Variants in ADSL observed in about 807,000 individuals in gnomAD.
ADSL encodes adenylosuccinate lyase.
A neutral mutation model predicts 62.1 loss-of-function variants in ADSL; 44 were observed. The observed-to-expected ratio is 0.71, with a 90% CI of 0.56 to 0.91. ADSL has a LOEUF of 0.91. Ranked by LOEUF, ADSL falls within the 40% of genes least tolerant of loss-of-function variation. ADSL has a pLI of 0.00. For missense variants in ADSL, 531 were observed against 627.4 expected (o/e 0.85, Z 1.64); for synonymous variants, 198 against 220.5 (o/e 0.90, Z 0.90).
At position 40,346,588 on chromosome 22, in the gene ADSL, C is replaced by G; in HGVS notation, c.30C>G (p.Pro10=). 4 of 1,606,082 alleles carry G rather than the reference C, an allele frequency of 2.5e-6. No individual in the cohort carries two copies. Among genetic ancestry groups the G allele is most frequent in the Non-Finnish European group, 3.4e-6 (4 of 1,177,098 alleles). Residue 10 remains proline, a synonymous_variant, in exon 1 of 13, where the codon CCC becomes CCG. Transcript: ENST00000623063. MAAGGDHGS[P]DSYRSPLASR... is the part of the protein sequence containing the mutation. Reference sequence around the variant, plus strand: ...CGGCTGGAGGCGATCATGGTTCGCCCGACAGCTACCGCTCACCTCTTGCCT... The same window carrying G: ...CGGCTGGAGGCGATCATGGTTCGCCGGACAGCTACCGCTCACCTCTTGCCT...
intron 4 of ADSL, among the ~76,000 whole-genome samples, chr22:40,357,221 A>G (rs2044597600): frequency 6.7e-6 from 1 of 149,596 alleles, no homozygotes; most frequent in South Asian, 2.1e-4. Flanking sequence ...ATGTTCAGAA[A>G]CAGACCTTCA....
chr22:40,360,400 A>G lies in ADSL; in HGVS notation c.702-2A>G, dbSNP rs1268264761. ...CTAAGTCTCTCTTGTACTTATTCCT[A>G]GAGCTTTCATCATCACAGGGCAGAC... On this transcript the variant is annotated splice_acceptor_variant, in intron 6 of 12. Coordinates refer to ENST00000623063, the MANE Select transcript of ADSL (RefSeq NM_000026.4). LOFTEE classifies it high-confidence loss of function. 9.9e-6 allele frequency: 16 copies of G among 1,611,308 alleles called. No individual in the cohort carries two copies. The highest frequency in any genetic ancestry group is 1.4e-5 in the Non-Finnish European group (16 of 1,178,184).
At position 40,361,578 on chromosome 22, in the gene ADSL, C is replaced by T. The variant is rs202064195; in HGVS notation, c.953C>T (p.Pro318Leu). The change falls in exon 9 of 13, where the codon CCG (proline) becomes CTG (leucine). Residue 318 changes from proline (P) to leucine (L), a missense_variant. Pro to Leu is a moderately conservative substitution (Grantham distance 98). This residue lies in a region of ADSL where 471 missense variants were observed against 592.9 expected (regional missense o/e 0.79). Coordinates refer to ENST00000623063, the MANE Select transcript of ADSL (RefSeq NM_000026.4). ...ARHLMTLVMDPLQTASVQWFE... is the reference protein window; with the variant it reads ...ARHLMTLVMDLLQTASVQWFE... ...CACCTGATGACCCTTGTCATGGACC[C>T]GCTACAGACAGCATCTGTCCAGTGG... is the stretch of plus-strand genomic sequence containing the variant. 8.5e-5 allele frequency: 137 copies of T among 1,614,052 alleles called. No homozygotes were observed. The highest frequency in any genetic ancestry group is 1.1e-4 in the Non-Finnish European group (130 of 1,180,050).
chr22:40,348,210 G>A (rs542069115), intron 1 of ADSL, among the ~76,000 whole-genome samples: 7 of 152,276 alleles, frequency 4.6e-5, no homozygotes, highest in Non-Finnish European at 8.8e-5. Flanking sequence ...AAGATAAATT[G>A]CTTGAGGGGA....
intron 1 of ADSL, among the ~76,000 whole-genome samples, chr22:40,347,517 C>T (rs74361022): frequency 6.6e-6 from 1 of 152,228 alleles, no homozygotes; most frequent in Admixed American, 6.5e-5. Flanking sequence ...AGTGCCACAA[C>T]GAGCAAGTTG....
In ADSL at chr22:40,359,053, T is replaced by G; in HGVS notation, c.654+18T>G. 6.2e-7 allele frequency: 1 copy of G among 1,613,784 alleles called. No homozygotes were observed. The highest frequency in any genetic ancestry group is 8.5e-7 in the Non-Finnish European group (1 of 1,179,848). On this transcript the variant is annotated intron_variant, in intron 5 of 12. Coordinates refer to ENST00000623063, the MANE Select transcript of ADSL (RefSeq NM_000026.4). ...ACCATAAGGTATTCTGAAAGTGACC[T>G]GCAGGACACAGAAACTCAATGGTGG...
chr22:40,386,349 C>T (rs2048438451), intron 2 of ADSL, among the ~76,000 whole-genome samples: 1 of 152,192 alleles, frequency 6.6e-6, no homozygotes, highest in South Asian at 2.1e-4. Flanking sequence ...CTGCTTAACC[C>T]TAAGGTTCAC....
intron 2 of ADSL, among the ~76,000 whole-genome samples, chr22:40,380,884 G>A (rs546169889): frequency 1.3e-5 from 2 of 152,146 alleles, no homozygotes; most frequent in African/African-American, 4.8e-5. Context: ...GCAGTGAGCT[G>A]TGATCACACC....
intron 4 of ADSL, 23 bp downstream of exon 4, chr22:40,354,350 G>C: frequency 6.3e-7 from 1 of 1,584,492 alleles, no homozygotes; most frequent in Non-Finnish European, 8.7e-7. Context: ...ATTACTTCTT[G>C]TTTATGTGCA....
At chr22:40,374,555 A>G (rs1402794161) in intron 2 of ADSL, among the ~76,000 whole-genome samples, 1 of 152,198 alleles carries the variant, frequency 6.6e-6, no homozygotes, top group Non-Finnish European at 1.5e-5. Flanking sequence ...CCTCACCCCC[A>G]TCTCCTAGAA....
intron 2 of ADSL, among the ~76,000 whole-genome samples, chr22:40,384,690 G>A (rs1238929135): frequency 6.6e-6 from 1 of 152,174 alleles, no homozygotes; most frequent in Non-Finnish European, 1.5e-5. Context: ...TAAGGCGGGA[G>A]AATGGGCATG....
Position 40,367,358 on chromosome 22 carries a change from A to T in ADSL, c.*836A>T, listed in dbSNP as rs2045037089. The T allele has an allele frequency of 6.4e-6, 1 of 156,386 alleles. No individual in the cohort carries two copies. Among genetic ancestry groups the T allele is most frequent in the African/African-American group, 2.4e-5 (1 of 41,414 alleles). 9.7% of individuals were successfully genotyped at this position (156,386 alleles called of 1,614,324 possible). A position where few individuals can be genotyped will look rare whatever the true frequency, so the allele number is the denominator to read the frequency against. The stretch of plus-strand genomic sequence containing the variant: ...TGCCATGTTGGGCGGGCTGGTCTTG[A>T]ACTCCTGACCTCAAGTGATCCGCCC... On this transcript the variant is annotated 3_prime_UTR_variant, in exon 13 of 13. Coordinates refer to ENST00000623063, the MANE Select transcript of ADSL (RefSeq NM_000026.4).
chr22:40,377,924 A>G (rs2146770733), intron 2 of ADSL, among the ~76,000 whole-genome samples: 1 of 152,266 alleles, frequency 6.6e-6, no homozygotes, highest in East Asian at 1.9e-4. Context: ...AGATGTGGGT[A>G]TCTTCAAATG....
intron 2 of ADSL, among the ~76,000 whole-genome samples, chr22:40,383,409 G>T (rs2047905001): frequency 6.6e-6 from 1 of 150,896 alleles, no homozygotes; most frequent in African/African-American, 2.4e-5. Context: ...GGAGCTCGCA[G>T]TGAGCCGAGA....
At chr22:40,374,149 G>A (rs374418939), downstream of ADSL, among the ~76,000 whole-genome samples, 162 of 151,228 alleles carry the variant, frequency 1.1e-3, 6 homozygotes, top group South Asian at 0.033. Flanking sequence ...TAGAGACGGG[G>A]CTTCACCGTG....
intron 1 of ADSL, chr22:40,348,249 C>G: frequency 2.5e-6 from 1 of 395,886 alleles, no homozygotes. Context: ...CTGCCCTCTG[C>G]TGCTTTGCTT....
intron 5 of ADSL, 99 bp from the exon 6 acceptor site, chr22:40,359,161 T>C: frequency 6.3e-7 from 1 of 1,583,318 alleles, no homozygotes; most frequent in South Asian, 1.1e-5. Context: ...AGAAGGAAGT[T>C]GTGGGGGTTA....
chr22:40,357,726 C>A (rs62239072), intron 4 of ADSL, among the ~76,000 whole-genome samples: 2,108 of 152,256 alleles, frequency 0.014, 28 homozygotes, highest in Non-Finnish European at 0.022. Context: ...TTACCTTCAT[C>A]GTTCTTTTAT....
intron 3 of ADSL, chr22:40,354,021 G>A (rs2044454334): frequency 3.4e-6 from 2 of 592,940 alleles, no homozygotes; most frequent in East Asian, 5.7e-5. Flanking sequence ...TTCTGCCGTG[G>A]TCTTAAAATA....
Sources: allele counts gnomAD v4.1 joint callset (sites outside exome capture counted in the v4.1 genomes callset), GRCh38; gene constraint gnomAD v4.1.1; regional missense constraint gnomAD v4.1.1; transcripts MANE v1.5; gene names NCBI Gene and HGNC (gene_info 2026-07-23, HGNC 2026-07-21).